Variants in GABRG3 observed in about 807,000 individuals in gnomAD.
The protein encoded by GABRG3 is gamma-aminobutyric acid receptor subunit gamma-3.
GABRG3 carries 25 observed loss-of-function variants against 48.8 expected under a neutral mutation model. That is an observed-to-expected ratio of 0.51 (90% CI 0.37 to 0.72). The LOEUF (loss-of-function observed/expected upper bound fraction) is 0.72. GABRG3 is among the 30% of genes least tolerant of loss of function. The pLI, the probability that GABRG3 is intolerant of heterozygous loss-of-function variation, is 0.00. For synonymous variants in GABRG3, 227 were observed against 217.6 expected (o/e 1.04, Z -0.38); for missense variants, 394 against 577.9 (o/e 0.68, Z 3.26).
chr15:27,123,949 C>T (rs940668715), intron 3 of GABRG3, among the ~76,000 whole-genome samples: 1 of 152,212 alleles, frequency 6.6e-6, no homozygotes, highest in Non-Finnish European at 1.5e-5. Context: ...ACTCACTAGA[C>T]ATTTTCTGGA....
rs1279313238 is a variant in GABRG3 at position 26,976,956 on chromosome 15, G to A, written c.54-46G>A. ...AGGACAAACTTAGGCTCTTCCTAGA[G>A]CCATTGCTGCCACTTATATGTCGCA... On this transcript the variant is annotated intron_variant, in intron 1 of 9. Transcript: ENST00000615808. This position sits in a 1 kb window ranked among gnomAD's most constrained non-coding sequence, Gnocchi z 7.8. The A allele has an allele frequency of 6.2e-7, 1 of 1,609,988 alleles. No individual in the cohort carries two copies. Among genetic ancestry groups the A allele is most frequent in the East Asian group, 2.2e-5 (1 of 44,856 alleles).
intron 2 of GABRG3, among the ~76,000 whole-genome samples, chr15:26,979,827 T>G (rs1208797620): frequency 6.6e-6 from 1 of 152,232 alleles, no homozygotes; most frequent in Non-Finnish European, 1.5e-5. Context: ...GGGACTATTT[T>G]TTTGAGTCTT....
At chr15:27,117,986 C>T (rs568814100) in intron 3 of GABRG3, among the ~76,000 whole-genome samples, 14 of 152,262 alleles carry the variant, frequency 9.2e-5, no homozygotes, top group Admixed American at 5.2e-4. Flanking sequence ...GTCTGGCTCC[C>T]GTACTTAACC....
intron 5 of GABRG3, among the ~76,000 whole-genome samples, chr15:27,361,363 A>G (rs967342001): frequency 2.0e-5 from 3 of 152,174 alleles, no homozygotes; most frequent in Non-Finnish European, 4.4e-5. Context: ...GACCAAGCCA[A>G]TGTGGCCTTG....
intron 3 of GABRG3, among the ~76,000 whole-genome samples, chr15:27,189,524 CTGTT>C (rs767204377): frequency 0.033 from 5,006 of 151,600 alleles, 163 homozygotes; most frequent in African/African-American, 0.093. Context: ...ATTTGGCTCT[CTGTT>C]TGTCTGTTAT....
chr15:27,184,413 G>C (rs143968938), intron 3 of GABRG3, among the ~76,000 whole-genome samples: 1 of 152,108 alleles, frequency 6.6e-6, no homozygotes, highest in Non-Finnish European at 1.5e-5. Flanking sequence ...GATTCTTCTC[G>C]ATTGCCTTCA....
chr15:27,091,921 G>A (rs1897192929), intron 3 of GABRG3, among the ~76,000 whole-genome samples: 1 of 152,140 alleles, frequency 6.6e-6, no homozygotes, highest in Non-Finnish European at 1.5e-5. Flanking sequence ...ATAACCCTGT[G>A]GCTATCTTTC....
chr15:27,132,487 T>G lies in GABRG3; in HGVS notation c.270+105666T>G, dbSNP rs1183118792. 1.6e-3 allele frequency among the ~76,000 whole-genome samples: 232 copies of G among 146,902 alleles called. 4 individuals are homozygous for G. The highest frequency in any genetic ancestry group is 5.4e-3 in the African/African-American group (220 of 40,466). On this transcript the variant is annotated intron_variant, in intron 3 of 9. Coordinates refer to ENST00000615808, the MANE Select transcript of GABRG3 (RefSeq NM_033223.5). ...GTAGTTACAGTTTTTTTTTTTTTTT[T>G]TTTTTTTTTTTTTGTGGCTTATTTT...
At chr15:27,395,043 T>C (rs28867859) in intron 5 of GABRG3, among the ~76,000 whole-genome samples, 1 of 152,228 alleles carries the variant, frequency 6.6e-6, no homozygotes, top group African/African-American at 2.4e-5. Context: ...CCAGCTATCT[T>C]TGTGACCTTT....
At chr15:27,506,792 T>G (rs6497215) in intron 6 of GABRG3, among the ~76,000 whole-genome samples, 25,862 of 146,478 alleles carry the variant, frequency 0.18, 3,330 homozygotes, top group East Asian at 0.41. Flanking sequence ...AACTTTTGGG[T>G]TTTTTTTTCT....
At chr15:27,042,547 C>CT (rs915247024) in intron 3 of GABRG3, among the ~76,000 whole-genome samples, 2 of 152,174 alleles carry the variant, frequency 1.3e-5, no homozygotes, top group Non-Finnish European at 1.5e-5. Context: ...CTCACCCTCC[C>CT]TGGGTGCTGT....
At chr15:27,178,454 T>C (rs1887817299) in intron 3 of GABRG3, among the ~76,000 whole-genome samples, 1 of 152,214 alleles carries the variant, frequency 6.6e-6, no homozygotes, top group African/African-American at 2.4e-5. Context: ...ACTCATTTAA[T>C]ACTTGCTCTT....
chr15:27,478,099 C>T (rs893179500), intron 5 of GABRG3, among the ~76,000 whole-genome samples: 6 of 151,394 alleles, frequency 4.0e-5, no homozygotes, highest in Non-Finnish European at 8.8e-5. Flanking sequence ...GAGATGGATG[C>T]GCCATTGCGA....
At chr15:27,128,952 A>G (rs959472646) in intron 3 of GABRG3, among the ~76,000 whole-genome samples, 1 of 152,254 alleles carries the variant, frequency 6.6e-6, no homozygotes, top group African/African-American at 2.4e-5. Context: ...ATTTATATCT[A>G]CTTTTAAGTT....
intron 5 of GABRG3, among the ~76,000 whole-genome samples, chr15:27,338,432 G>T (rs1004632330): frequency 1.8e-4 from 28 of 152,238 alleles, no homozygotes; most frequent in African/African-American, 6.3e-4. Flanking sequence ...AATGGAAACC[G>T]ATTTAAGATG....
At chr15:27,069,682 A>G (rs1896795723) in intron 3 of GABRG3, among the ~76,000 whole-genome samples, 1 of 152,262 alleles carries the variant, frequency 6.6e-6, no homozygotes, top group Non-Finnish European at 1.5e-5. Flanking sequence ...TTCCACCTGT[A>G]TACTTTACTG....
At chr15:27,131,502 T>TA (rs1371866519) in intron 3 of GABRG3, among the ~76,000 whole-genome samples, 3 of 152,080 alleles carry the variant, frequency 2.0e-5, no homozygotes, top group Non-Finnish European at 4.4e-5. Flanking sequence ...TTTGTCTTCT[T>TA]AGAGTGTCTT....
intron 3 of GABRG3, among the ~76,000 whole-genome samples, chr15:27,040,403 G>T (rs1896255623): frequency 6.6e-6 from 1 of 152,248 alleles, no homozygotes; most frequent in African/African-American, 2.4e-5. Context: ...GTCCAGAGGA[G>T]AGTGAGTTGC....
At chr15:27,382,682 G>C (rs1895810273) in intron 5 of GABRG3, among the ~76,000 whole-genome samples, 1 of 152,238 alleles carries the variant, frequency 6.6e-6, no homozygotes, top group African/African-American at 2.4e-5. Context: ...TTGCACTACT[G>C]TGTTTCAGAA....
Sources: gnomAD v4.1 joint callset for allele counts (sites outside exome capture counted in the v4.1 genomes callset) on GRCh38, gnomAD v4.1.1 for gene constraint, Gnocchi (gnomAD v3.1) non-coding constraint, MANE v1.5 for transcripts, NCBI Gene and HGNC (gene_info 2026-07-23, HGNC 2026-07-21) for gene names.